The following ATP9B variants were observed in gnomAD, a reference collection of about 807,000 sequenced individuals.
ATP9B encodes the protein probable phospholipid-transporting ATPase IIB.
Under a neutral mutation model 146.1 loss-of-function variants are expected in ATP9B, and 110 were observed. The ratio of observed to expected loss-of-function variants is 0.75; its 90% confidence interval spans 0.65 to 0.88. ATP9B has a LOEUF of 0.88. Ranked by LOEUF, ATP9B falls within the 40% of genes least tolerant of loss-of-function variation. The pLI, the probability that ATP9B is intolerant of heterozygous loss-of-function variation, is 0.00. For synonymous variants in ATP9B, 604 were observed against 569.7 expected (o/e 1.06, Z -0.86); for missense variants, 1,499 against 1,496.4 (o/e 1.00, Z -0.03).
chr18:79,375,464 T>TAA (rs1388022108), intron 29 of ATP9B, 38 bp downstream of exon 29: 1 of 1,600,856 alleles, frequency 6.2e-7, no homozygotes, highest in Non-Finnish European at 8.5e-7. Flanking sequence ...AGTGTAGAAA[T>TAA]TTAGCCAAAC....
chr18:79,227,492 A>G (rs73002023), intron 11 of ATP9B, among the ~76,000 whole-genome samples: 24,732 of 151,800 alleles, frequency 0.16, 2,071 homozygotes, highest in Admixed American at 0.2. Context: ...AGGTAAGTAT[A>G]TAGGTGGATG....
chr18:79,190,703 G>C (rs531966588), intron 8 of ATP9B, among the ~76,000 whole-genome samples: 14 of 152,086 alleles, frequency 9.2e-5, no homozygotes, highest in Admixed American at 8.5e-4. Context: ...GCAGCAGCTT[G>C]TGTGGTTAAT....
intron 11 of ATP9B, among the ~76,000 whole-genome samples, chr18:79,230,392 A>G (rs1306539356): frequency 6.6e-6 from 1 of 152,212 alleles, no homozygotes; most frequent in Non-Finnish European, 1.5e-5. Context: ...ATTAATGTAC[A>G]CAAATCAGTA....
intron 9 of ATP9B, among the ~76,000 whole-genome samples, chr18:79,199,936 C>G (rs975651822): frequency 6.6e-6 from 1 of 152,140 alleles, no homozygotes; most frequent in Non-Finnish European, 1.5e-5. Context: ...TCTGGCAGAA[C>G]CCTGGAAGGA....
intron 11 of ATP9B, among the ~76,000 whole-genome samples, chr18:79,234,777 C>T (rs762966282): frequency 1.3e-5 from 2 of 152,100 alleles, no homozygotes; most frequent in South Asian, 2.1e-4. Flanking sequence ...AGATAATCAA[C>T]GGACGGTATT....
chr18:79,273,834 A>G (rs2096280187), intron 12 of ATP9B, among the ~76,000 whole-genome samples: 2 of 152,226 alleles, frequency 1.3e-5, no homozygotes. Context: ...AGGGAGGTAT[A>G]ATTAAGAGAT....
chr18:79,138,514 A>G (rs1185953800), intron 5 of ATP9B, among the ~76,000 whole-genome samples: 1 of 152,182 alleles, frequency 6.6e-6, no homozygotes, highest in Non-Finnish European at 1.5e-5. Flanking sequence ...CTCAAACTCT[A>G]CAGAGATACA....
intron 9 of ATP9B, among the ~76,000 whole-genome samples, chr18:79,205,681 G>A (rs2095527387): frequency 6.6e-6 from 1 of 152,128 alleles, no homozygotes; most frequent in Admixed American, 6.6e-5. Context: ...GGCTGTGGAT[G>A]CATTCCTTTA....
At chr18:79,121,148 C>G (rs562018273) in intron 4 of ATP9B, among the ~76,000 whole-genome samples, 2 of 152,300 alleles carry the variant, frequency 1.3e-5, no homozygotes, top group East Asian at 3.9e-4. Context: ...GATAAGCCCT[C>G]AAAGGCACAT....
At chr18:79,201,502 T>G (rs2095487676) in intron 9 of ATP9B, among the ~76,000 whole-genome samples, 1 of 152,152 alleles carries the variant, frequency 6.6e-6, no homozygotes. Context: ...ACCCTAGCAC[T>G]TTGGGAGGCT....
chr18:79,175,596 C>T (rs553477283), intron 7 of ATP9B, among the ~76,000 whole-genome samples: 48 of 152,288 alleles, frequency 3.2e-4, no homozygotes, highest in African/African-American at 1.1e-3. Context: ...TGCATGCATG[C>T]GTACATAGGT....
At chr18:79,334,586 T>C (rs1030291779) in intron 17 of ATP9B, among the ~76,000 whole-genome samples, 3 of 151,422 alleles carry the variant, frequency 2.0e-5, no homozygotes, top group African/African-American at 4.9e-5. Flanking sequence ...CAGAGGGGGG[T>C]GGGGTTGTCT....
chr18:79,069,420 C>T lies in ATP9B; in HGVS notation c.10C>T (p.Gln4Ter), dbSNP rs369332862. ...AAGGGGCGGTCGGAACATGGCGGACCAGATCCCGCTTTACCCGGTGCGTAG... is the reference window on the plus strand; with the variant it reads ...AAGGGGCGGTCGGAACATGGCGGACTAGATCCCGCTTTACCCGGTGCGTAG... MAD[Q>*]IPLYPVRSAA... is the part of the protein sequence containing the mutation. The change falls in exon 1 of 30, where the codon CAG (glutamine) becomes TAG (stop). Residue 4 changes from glutamine (Q) to a stop codon, truncating the protein, a stop_gained. Coordinates refer to ENST00000426216, the MANE Select transcript of ATP9B (RefSeq NM_198531.5). LOFTEE classifies it high-confidence loss of function. 2.0e-6 allele frequency: 3 copies of T among 1,518,796 alleles called. No homozygotes were observed. Among genetic ancestry groups the T allele is most frequent in the Non-Finnish European group, 2.6e-6 (3 of 1,136,454 alleles). 94.1% of individuals were successfully genotyped at this position (1,518,796 alleles called of 1,614,324 possible).
At chr18:79,140,818 A>G (rs1055165407) in intron 5 of ATP9B, among the ~76,000 whole-genome samples, 4 of 152,128 alleles carry the variant, frequency 2.6e-5, no homozygotes, top group South Asian at 2.1e-4. Context: ...GTTATTTGGT[A>G]TACATTTGGA....
chr18:79,149,935 G>A (rs1041614228), intron 6 of ATP9B, among the ~76,000 whole-genome samples: 10 of 152,060 alleles, frequency 6.6e-5, no homozygotes, highest in Non-Finnish European at 1.0e-4. Flanking sequence ...ATAAAAATTA[G>A]TTGGGTGTGG....
intron 8 of ATP9B, among the ~76,000 whole-genome samples, chr18:79,184,620 T>C (rs576937528): frequency 6.6e-6 from 1 of 152,312 alleles, no homozygotes; most frequent in African/African-American, 2.4e-5. Context: ...TTGCAGCCTA[T>C]TGACTTTCTA....
intron 4 of ATP9B, among the ~76,000 whole-genome samples, chr18:79,121,551 G>T (rs2094190345): frequency 1.3e-5 from 2 of 152,190 alleles, no homozygotes; most frequent in South Asian, 4.1e-4. Flanking sequence ...ACGGGTAGAG[G>T]CTCATTTGTT....
chr18:79,140,014 G>A lies in ATP9B; in HGVS notation c.668-3788G>A, dbSNP rs115794343. Among the ~76,000 whole-genome samples, 574 of 152,302 alleles carry A rather than the reference G, an allele frequency of 3.8e-3. 3 individuals are homozygous for A. Among genetic ancestry groups the A allele is most frequent in the African/African-American group, 0.013 (551 of 41,560 alleles). ...ATACTCAGATATTTAAATATTGATA[G>A]CATTTTAAGCACATTATTTACAGGT... On this transcript the variant is annotated intron_variant, in intron 5 of 29. Coordinates refer to ENST00000426216, the MANE Select transcript of ATP9B (RefSeq NM_198531.5).
In ATP9B at chr18:79,328,918, T is replaced by C. The variant is rs531562491; in HGVS notation, c.1774-223T>C. On this transcript the variant is annotated intron_variant, in intron 15 of 29. Coordinates refer to ENST00000426216, the MANE Select transcript of ATP9B (RefSeq NM_198531.5). ...TTATGATCCATAATGGTCTTTATTT[T>C]AAAGAATAATACCAAGTGACTTTTG... Among the ~76,000 whole-genome samples the C allele has an allele frequency of 2.0e-5, 3 of 152,342 alleles. No individual in the cohort carries two copies. The South Asian group carries it at 6.2e-4, about 32-fold the overall frequency.
Sources: gnomAD v4.1 joint callset for allele counts (sites outside exome capture counted in the v4.1 genomes callset) on GRCh38, gnomAD v4.1.1 for gene constraint, MANE v1.5 for transcripts, NCBI Gene and HGNC (gene_info 2026-07-23, HGNC 2026-07-21) for gene names.